The following DNMT3A variants were observed in gnomAD, a reference collection of about 807,000 sequenced individuals.
The protein encoded by DNMT3A is DNA methyltransferase 3 alpha, also known as DNA (cytosine-5)-methyltransferase 3A.
A neutral mutation model predicts 117.6 loss-of-function variants in DNMT3A; 267 were observed. The ratio of observed to expected loss-of-function variants is 2.27; its 90% CI spans 2.05 to 2.51. The LOEUF (loss-of-function observed/expected upper bound fraction) is 2.51, where lower values mean the gene tolerates loss of function less well. DNMT3A is among the 30% of genes most tolerant of loss of function. The pLI, the probability that DNMT3A is intolerant of heterozygous loss-of-function variation, is 0.00. For synonymous variants in DNMT3A, 432 were observed against 474.8 expected (o/e 0.91, Z 1.17); for missense variants, 1,029 against 1,260.2 (o/e 0.82, Z 2.78).
chr2:25,294,835 A>G lies in DNMT3A; in HGVS notation c.177+5304T>C, dbSNP rs1488624936. Among the ~76,000 whole-genome samples the G allele has an allele frequency of 6.6e-6, 1 of 152,166 alleles. No individual in the cohort carries two copies. The highest frequency in any genetic ancestry group is 1.5e-5 in the Non-Finnish European group (1 of 68,012). ...CCTGCGGTGTTGGAGGGTCAGCCCT[A>G]ACACCAGCTTGGGCTCAGCTGAGCT... is the stretch of plus-strand genomic sequence containing the variant. On this transcript the variant is annotated intron_variant, in intron 3 of 22. Coordinates refer to ENST00000321117, the MANE Select transcript of DNMT3A (RefSeq NM_022552.5). The surrounding 1 kb of genome is among the most constrained non-coding windows in gnomAD (Gnocchi z 4.7).
intron 3 of DNMT3A, among the ~76,000 whole-genome samples, chr2:25,288,944 G>A (rs571098473): frequency 6.6e-6 from 1 of 152,248 alleles, no homozygotes; most frequent in African/African-American, 2.4e-5. Context: ...CCTGAAGGGT[G>A]GGGGTGAACC....
Position 25,282,720 on chromosome 2 carries a change from G to A in DNMT3A, c.178-9C>T, listed in dbSNP as rs371732107. Reference sequence around the variant, plus strand: ...GTGTCACCGCTTTCCACCTGCAAATGTAAGAAAGATACACAAGAGGAGGGT... The same window carrying A: ...GTGTCACCGCTTTCCACCTGCAAATATAAGAAAGATACACAAGAGGAGGGT... On this transcript the variant is annotated splice_polypyrimidine_tract_variant and intron_variant, in intron 3 of 22. Transcript: ENST00000321117. The surrounding 1 kb of genome is among the most constrained non-coding windows in gnomAD (Gnocchi z 5.2). 42 of 1,518,740 alleles carry A rather than the reference G, an allele frequency of 2.8e-5. No individual in the cohort carries two copies. The highest frequency in any genetic ancestry group is 3.4e-5 in the Non-Finnish European group (39 of 1,132,676). 94.1% of individuals were successfully genotyped at this position (1,518,740 alleles called of 1,614,324 possible).
intron 1 of DNMT3A, among the ~76,000 whole-genome samples, chr2:25,338,765 T>A (rs1031471280): frequency 2.0e-5 from 3 of 152,202 alleles, no homozygotes; most frequent in Admixed American, 6.5e-5. Context: ...TGGCTCCACT[T>A]CTTCCTGCCG....
Position 25,282,188 on chromosome 2 carries a change from AT to A in DNMT3A, c.448+252del, listed in dbSNP as rs2031930312. 3.3e-6 allele frequency: 4 copies of A among 1,229,934 alleles called. No individual in the cohort carries two copies. In the Admixed American group the frequency reaches 1.5e-4, roughly 47 times the overall value. The allele number at this position is 1,229,934 out of a possible 1,614,324, so 76.2% of individuals were successfully genotyped here. ...TTTTCATGAGAAGCCAAAACTCCAG[AT>A]TTTTATGTGAAATTTTTTGATTTTT... On this transcript the variant is annotated intron_variant, in intron 4 of 22. Transcript: ENST00000321117. This position sits in a 1 kb window ranked among gnomAD's most constrained non-coding sequence, Gnocchi z 5.2.
chr2:25,246,202 C>A lies in DNMT3A; in HGVS notation c.1387G>T (p.Glu463Ter). 1.2e-6 allele frequency: 2 copies of A among 1,614,140 alleles called. No homozygotes were observed. The highest frequency in any genetic ancestry group is 1.7e-6 in the Non-Finnish European group (2 of 1,179,986). ...ATAATCTCCTTGACCTTGGGCTTCT[C>A]CGCTGTGCTCTTCCGGGGCTTTTTG... is the stretch of plus-strand genomic sequence containing the variant. ...PAKKPRKSTA[E>*]KPKVKEIIDE... The change falls in exon 11 of 23, where the codon GAG becomes TAG. Residue 463 changes from glutamate (E) to a stop codon, truncating the protein, a stop_gained. Transcript: ENST00000321117. LOFTEE classifies it high-confidence loss of function.
chr2:25,320,999 G>A (rs973516892), intron 1 of DNMT3A, among the ~76,000 whole-genome samples: 1 of 152,124 alleles, frequency 6.6e-6, no homozygotes, highest in African/African-American at 2.4e-5. Context: ...AGGCATGATG[G>A]TGCATTCCTG....
rs1343540912 is a variant in DNMT3A at position 25,228,259 on chromosome 2, G to A, written c.*6020C>T. 1.4e-5 allele frequency: 1 copy of A among 73,428 alleles called. No individual in the cohort carries two copies. The highest frequency in any genetic ancestry group is 2.8e-5 in the Non-Finnish European group (1 of 35,350). 4.5% of individuals were successfully genotyped at this position (73,428 alleles called of 1,614,324 possible). ...AAAAAAAAAAAAAAAAAAATACAGT[G>A]GTGAAAGGATGCTGGAACCAGGAAA... is the stretch of plus-strand genomic sequence containing the variant. On this transcript the variant is annotated 3_prime_UTR_variant, in exon 23 of 23. Transcript: ENST00000321117.
At position 25,243,941 on chromosome 2, in the gene DNMT3A, C is replaced by A; in HGVS notation, c.1893G>T (p.Arg631Ser). The A allele has an allele frequency of 6.4e-7, 1 of 1,552,682 alleles. No individual in the cohort carries two copies. The highest frequency in any genetic ancestry group is 8.7e-7 in the Non-Finnish European group (1 of 1,147,356). ...AGAGAGACAGCACCCGGATGGGCTT[C>A]CTCTTCTCAGCTGGGACAGGTGGGT... ...KVYPPVPAEKRKPIRVLSLFD... is the reference protein window; with the variant it reads ...KVYPPVPAEKSKPIRVLSLFD... Residue 631 changes from arginine (R) to serine (S), a missense_variant, in exon 16 of 23, where the codon AGG (arginine) becomes AGT (serine). Transcript: ENST00000321117.
intron 4 of DNMT3A, among the ~76,000 whole-genome samples, chr2:25,279,180 G>A (rs1246138244): frequency 6.6e-6 from 1 of 152,186 alleles, no homozygotes. Flanking sequence ...TCGGGTGTTG[G>A]CTCCTGTCCC....
In DNMT3A at chr2:25,339,652, C is replaced by T. The variant is rs1050062848; in HGVS notation, c.-178+2174G>A. ...AGCCCAAGCAGGGCCTCGGTAGAACCTGGAGGCAGAGGGGGACCATTTTGC... is the reference window on the plus strand; with the variant it reads ...AGCCCAAGCAGGGCCTCGGTAGAACTTGGAGGCAGAGGGGGACCATTTTGC... On this transcript the variant is annotated intron_variant, in intron 1 of 22. Coordinates refer to ENST00000321117, the MANE Select transcript of DNMT3A (RefSeq NM_022552.5). This position sits in a 1 kb window ranked among gnomAD's most constrained non-coding sequence, Gnocchi z 4.9. 5.9e-5 allele frequency among the ~76,000 whole-genome samples: 9 copies of T among 152,156 alleles called. No individual in the cohort carries two copies. Among genetic ancestry groups the T allele is most frequent in the African/African-American group, 1.7e-4 (7 of 41,434 alleles).
At position 25,293,361 on chromosome 2, in the gene DNMT3A, T is replaced by A. The variant is rs1339188273; in HGVS notation, c.177+6778A>T. Among the ~76,000 whole-genome samples, 1 of 152,146 alleles carries A rather than the reference T, an allele frequency of 6.6e-6. No homozygotes were observed. The highest frequency in any genetic ancestry group is 1.9e-4 in the East Asian group (1 of 5,198). ...GCTCATGGGTGCCAGAGCCAATTTC[T>A]CAAACACGACTCCCATCACGTCATA... On this transcript the variant is annotated intron_variant, in intron 3 of 22. Transcript: ENST00000321117. This position sits in a 1 kb window ranked among gnomAD's most constrained non-coding sequence, Gnocchi z 4.7.
intron 6 of DNMT3A, among the ~76,000 whole-genome samples, chr2:25,270,823 GA>G (rs1186035856): frequency 6.6e-6 from 1 of 152,214 alleles, no homozygotes; most frequent in Non-Finnish European, 1.5e-5. Context: ...ACTGAGAAAA[GA>G]GGAGAAATGT....
chr2:25,304,779 G>A lies in DNMT3A; in HGVS notation c.73-4536C>T, dbSNP rs1003252820. On this transcript the variant is annotated intron_variant, in intron 2 of 22. Coordinates refer to ENST00000321117, the MANE Select transcript of DNMT3A (RefSeq NM_022552.5). This position sits in a 1 kb window ranked among gnomAD's most constrained non-coding sequence, Gnocchi z 4.3. ...CCAAGCGCGAAAGCAAACTGCTTCC[G>A]GCCTCAGCCCCTAGGCATAGACTGT... Among the ~76,000 whole-genome samples the A allele has an allele frequency of 1.3e-5, 2 of 152,188 alleles. No individual in the cohort carries two copies. Among genetic ancestry groups the A allele is most frequent in the Non-Finnish European group, 2.9e-5 (2 of 68,038 alleles).
At chr2:25,316,011 C>T (rs576628540) in intron 1 of DNMT3A, among the ~76,000 whole-genome samples, 13 of 152,250 alleles carry the variant, frequency 8.5e-5, no homozygotes, top group Non-Finnish European at 1.3e-4. Context: ...AGTTTCCCCA[C>T]CAATGAAATG....
At position 25,327,262 on chromosome 2, in the gene DNMT3A, C is replaced by G. The variant is rs1381002730; in HGVS notation, c.-177-13101G>C. ...TGTGAAACTTTCCTTGTTCCAATCA[C>G]CATGTGGTTTCTGTCTTCTGAATGG... On this transcript the variant is annotated intron_variant, in intron 1 of 22. Transcript: ENST00000321117. The surrounding 1 kb of genome is among the most constrained non-coding windows in gnomAD (Gnocchi z 4.1). Among the ~76,000 whole-genome samples the G allele has an allele frequency of 3.3e-5, 5 of 152,196 alleles. No homozygotes were observed. Among genetic ancestry groups the G allele is most frequent in the Non-Finnish European group, 7.3e-5 (5 of 68,034 alleles).
At chr2:25,312,158 A>C (rs1238721944) in intron 2 of DNMT3A, among the ~76,000 whole-genome samples, 1 of 152,206 alleles carries the variant, frequency 6.6e-6, no homozygotes, top group African/African-American at 2.4e-5. Flanking sequence ...CGACAGAGAA[A>C]GCAAGCCAGG....
chr2:25,329,704 CACACACACAG>C (rs1340376591), intron 1 of DNMT3A, among the ~76,000 whole-genome samples: 1 of 151,334 alleles, frequency 6.6e-6, no homozygotes, highest in Non-Finnish European at 1.5e-5. Flanking sequence ...CACACACACA[CACACACACAG>C]ACACACAGAT....
chr2:25,271,688 T>C (rs945568022), intron 6 of DNMT3A, among the ~76,000 whole-genome samples: 1 of 152,270 alleles, frequency 6.6e-6, no homozygotes, highest in Non-Finnish European at 1.5e-5. Context: ...AATTCATGGA[T>C]TCTTTAATTA....
chr2:25,308,249 C>T (rs760012584), intron 2 of DNMT3A, among the ~76,000 whole-genome samples: 1 of 152,114 alleles, frequency 6.6e-6, no homozygotes, highest in Non-Finnish European at 1.5e-5. Flanking sequence ...TTAACATATG[C>T]TATGTCCTGG....
Sources: gnomAD v4.1 joint callset for allele counts (sites outside exome capture counted in the v4.1 genomes callset) on GRCh38, gnomAD v4.1.1 for gene constraint, Gnocchi (gnomAD v3.1) non-coding constraint, MANE v1.5 for transcripts, NCBI Gene and HGNC (gene_info 2026-07-23, HGNC 2026-07-21) for gene names.